GBP2: variants seen among roughly 807,000 people sequenced by gnomAD.
The protein encoded by GBP2 is guanylate-binding protein 2.
Under a neutral mutation model 60.8 loss-of-function variants are expected in GBP2, and 54 were observed. The ratio of observed to expected loss-of-function variants is 0.89; its 90% CI spans 0.71 to 1.11. The LOEUF (loss-of-function observed/expected upper bound fraction) is 1.11. GBP2 is among the 50% of genes most tolerant of loss of function. GBP2 has a pLI of 0.00. For synonymous variants in GBP2, 243 were observed against 256.5 expected (o/e 0.95, Z 0.50); for missense variants, 665 against 703.3 (o/e 0.95, Z 0.62).
rs781463381 is a variant in GBP2, at chr1:89,121,190, G to T, written c.271C>A (p.His91Asn). 6.2e-7 allele frequency: 1 copy of T among 1,613,216 alleles called. No homozygotes were observed. The highest frequency in any genetic ancestry group is 2.2e-5 in the East Asian group (1 of 44,818). The stretch of plus-strand genomic sequence containing the variant: ...TCAGTGTCGAGCAGAACTAGGGTGT[G>T]TTCTGGCTTCTTGGGATGAGGCACA... ...WCVPHPKKPE[H>N]TLVLLDTEGL... Residue 91 changes from histidine (H) to asparagine (N), a missense_variant, in exon 3 of 11, where the codon CAC (histidine) becomes AAC (asparagine). Physicochemically the swap from His to Asn is moderately conservative, Grantham distance 68. Coordinates refer to ENST00000370466, the MANE Select transcript of GBP2 (RefSeq NM_004120.5).
chr1:89,117,483 T>C, intron 5 of GBP2, 94 bp downstream of exon 5: 1 of 1,181,050 alleles, frequency 8.5e-7, no homozygotes, highest in Admixed American at 2.2e-5. Flanking sequence ...AAAAATACAG[T>C]TAAAAATTAT....
intron 1 of GBP2, among the ~76,000 whole-genome samples, chr1:89,124,556 T>A (rs1185217308): frequency 1.3e-5 from 2 of 152,226 alleles, no homozygotes; most frequent in African/African-American, 4.8e-5. Context: ...CATATCTCCA[T>A]ACTTTGAAAC....
intron 4 of GBP2, 159 bp downstream of exon 4, chr1:89,120,020 T>G: frequency 1.7e-6 from 1 of 595,314 alleles, no homozygotes; most frequent in South Asian, 2.1e-5. Flanking sequence ...GAAGTTCAGA[T>G]GGAGATTGAG....
At chr1:89,123,906 T>C (rs538256725) in intron 1 of GBP2, among the ~76,000 whole-genome samples, 15 of 152,360 alleles carry the variant, frequency 9.8e-5, no homozygotes, top group Middle Eastern at 3.4e-3. Context: ...TTATCCTCCA[T>C]AGATATCCAA....
chr1:89,125,751 T>C (rs905672398), intron 1 of GBP2, 112 bp downstream of exon 1: 29 of 152,214 alleles, frequency 1.9e-4, no homozygotes, highest in African/African-American at 6.8e-4. Flanking sequence ...CAGGATAGTA[T>C]GTGGACTTGT....
At chr1:89,122,341 T>C (rs1681418664) in intron 1 of GBP2, among the ~76,000 whole-genome samples, 1 of 152,218 alleles carries the variant, frequency 6.6e-6, no homozygotes, top group African/African-American at 2.4e-5. Flanking sequence ...CCCACTAATG[T>C]CCTTCTGCTC....
rs867344979 is a variant in GBP2, at chr1:89,106,677, G to A, written c.*1498C>T. The A allele has an allele frequency of 2.0e-5, 3 of 152,120 alleles. No homozygotes were observed. The highest frequency in any genetic ancestry group is 4.4e-5 in the Non-Finnish European group (3 of 68,018). The allele number at this position is 152,120 out of a possible 1,614,324, so 9.4% of individuals were successfully genotyped here. On this transcript the variant is annotated 3_prime_UTR_variant, in exon 11 of 11. Coordinates refer to ENST00000370466, the MANE Select transcript of GBP2 (RefSeq NM_004120.5). ...CTAAACATACAGGAAAATTTCCCACGTTATTAGTTTCTTCCTCCAAAAGTA... is the reference window on the plus strand; with the variant it reads ...CTAAACATACAGGAAAATTTCCCACATTATTAGTTTCTTCCTCCAAAAGTA...
chr1:89,111,738 G>T (rs1681170846), intron 8 of GBP2, among the ~76,000 whole-genome samples: 1 of 152,048 alleles, frequency 6.6e-6, no homozygotes, highest in Admixed American at 6.6e-5. Flanking sequence ...AAACTTGATG[G>T]CACAAAAGGG....
intron 2 of GBP2, 26 bp from the exon 3 acceptor site, chr1:89,121,296 A>T: frequency 6.4e-7 from 1 of 1,573,830 alleles, no homozygotes; most frequent in East Asian, 2.3e-5. Context: ...ATAAAAGGGA[A>T]AAGAAATTAC....
At chr1:89,110,043 A>G in intron 9 of GBP2, 121 bp downstream of exon 9, 1 of 951,742 alleles carries the variant, frequency 1.1e-6, no homozygotes, top group African/African-American at 1.7e-5. Flanking sequence ...GAAAACTCTC[A>G]TAGAACTATG....
chr1:89,124,509 G>A (rs1362440794), intron 1 of GBP2, among the ~76,000 whole-genome samples: 1 of 152,184 alleles, frequency 6.6e-6, no homozygotes, highest in Non-Finnish European at 1.5e-5. Flanking sequence ...CATGTACACA[G>A]TAATAGGAAC....
chr1:89,120,049 CATA>C, intron 4 of GBP2, 127 bp downstream of exon 4: 1 of 650,562 alleles, frequency 1.5e-6, no homozygotes, highest in Non-Finnish European at 2.7e-6. Context: ...AGATGTTCAG[CATA>C]ATGAGATTTA....
At chr1:89,120,365 T>C (rs1681374425) in intron 3 of GBP2, 77 bp from the exon 4 acceptor site, 2 of 1,178,400 alleles carry the variant, frequency 1.7e-6, no homozygotes, top group South Asian at 2.4e-5. Flanking sequence ...GAAGACTGAC[T>C]GAACTCCAAC....
intron 4 of GBP2, chr1:89,118,420 C>T (rs376618490): frequency 1.3e-5 from 2 of 152,132 alleles, no homozygotes; most frequent in Admixed American, 1.3e-4. Flanking sequence ...TGTGGTAGGG[C>T]AGAAGCCTTA....
At chr1:89,119,691 GAACTC>G (rs934785615) in intron 4 of GBP2, 3 of 152,632 alleles carry the variant, frequency 2.0e-5, no homozygotes, top group Non-Finnish European at 4.4e-5. Context: ...AAAGTGTCCA[GAACTC>G]TAATATGGAG....
At chr1:89,113,660 G>T (rs1182056841) in intron 7 of GBP2, among the ~76,000 whole-genome samples, 2 of 152,016 alleles carry the variant, frequency 1.3e-5, no homozygotes, top group African/African-American at 4.8e-5. Context: ...AATTATTAGG[G>T]TTATTTAAAA....
intron 6 of GBP2, among the ~76,000 whole-genome samples, chr1:89,115,251 T>C (rs74098326): frequency 6.6e-6 from 1 of 152,312 alleles, no homozygotes; most frequent in African/African-American, 2.4e-5. Flanking sequence ...ATATCCAAAG[T>C]ATGTTCGGAT....
chr1:89,121,716 A>C (rs1477175476), intron 2 of GBP2, 61 bp downstream of exon 2: 1 of 1,534,042 alleles, frequency 6.5e-7, no homozygotes, highest in East Asian at 2.3e-5. Flanking sequence ...CACATCCCTA[A>C]GCTGGATGTT....
chr1:89,112,940 A>G (rs146127292), intron 7 of GBP2: 37 of 503,134 alleles, frequency 7.4e-5, no homozygotes, highest in African/African-American at 6.8e-4. Flanking sequence ...CAAAGCACAT[A>G]CACTATTTCA....
Sources: allele counts gnomAD v4.1 joint callset (sites outside exome capture counted in the v4.1 genomes callset), GRCh38; gene constraint gnomAD v4.1.1; transcripts MANE v1.5; gene names NCBI Gene and HGNC (gene_info 2026-07-23, HGNC 2026-07-21).